Variants in SNAP91 observed in about 807,000 individuals in gnomAD.
SNAP91 encodes clathrin coat assembly protein AP180.
In SNAP91, 27 loss-of-function variants were observed where a neutral mutation model predicts 100.3. The observed-to-expected ratio is 0.27, with a 90% CI of 0.20 to 0.37. SNAP91 has a LOEUF of 0.37. Among genes scored for constraint, SNAP91 ranks in the 10% least tolerant of loss-of-function variants. SNAP91 has a pLI of 1.00. For synonymous variants in SNAP91, 404 were observed against 398.6 expected (o/e 1.01, Z -0.16); for missense variants, 986 against 1,123.7 (o/e 0.88, Z 1.75).
In SNAP91 at chr6:83,669,336, A is replaced by C. The variant is rs2098742293; in HGVS notation, c.131-3755T>G. On this transcript the variant is annotated intron_variant, in intron 2 of 29. Coordinates refer to ENST00000369694, the MANE Select transcript of SNAP91 (RefSeq NM_001242792.2). ...TTCATTTAAAGAATTTAAAAAAATAAAGTATAGATACAAACACACAGAAAA... is the reference window on the plus strand; with the variant it reads ...TTCATTTAAAGAATTTAAAAAAATACAGTATAGATACAAACACACAGAAAA... Among the ~76,000 whole-genome samples the C allele has an allele frequency of 2.0e-5, 3 of 152,028 alleles. No individual in the cohort carries two copies. The South Asian group carries it at 6.2e-4, about 31-fold the overall frequency.
chr6:83,702,142 G>A (rs2099321155), intron 2 of SNAP91, among the ~76,000 whole-genome samples: 1 of 152,044 alleles, frequency 6.6e-6, no homozygotes, highest in South Asian at 2.1e-4. Flanking sequence ...ATGAAACTAA[G>A]GATAAATGTT....
chr6:83,696,777 T>G lies in SNAP91; in HGVS notation c.130+11021A>C, dbSNP rs145506437. ...ATTCTTTTTGAATCACCTGTAATTA[T>G]TTCTTTAATTTTCTGTCTCCCCTAC... On this transcript the variant is annotated intron_variant, in intron 2 of 29. Transcript: ENST00000369694. Among the ~76,000 whole-genome samples, 20 of 152,308 alleles carry G rather than the reference T, an allele frequency of 1.3e-4. 1 individual carries two copies. Among genetic ancestry groups the G allele is most frequent in the African/African-American group, 4.8e-4 (20 of 41,570 alleles).
chr6:83,633,482 G>A (rs1200299822), intron 8 of SNAP91, among the ~76,000 whole-genome samples: 1 of 152,140 alleles, frequency 6.6e-6, no homozygotes, highest in Non-Finnish European at 1.5e-5. Context: ...GGGTAGGTAG[G>A]GAAGGACCAC....
intron 26 of SNAP91, among the ~76,000 whole-genome samples, chr6:83,568,012 T>G (rs1253246491): frequency 6.6e-6 from 1 of 151,534 alleles, no homozygotes; most frequent in African/African-American, 2.4e-5. Context: ...CCCAAAGGAT[T>G]ATAAATCATG....
chr6:83,642,005 A>G (rs1360176591), intron 7 of SNAP91, among the ~76,000 whole-genome samples: 1 of 152,138 alleles, frequency 6.6e-6, no homozygotes, highest in Admixed American at 6.6e-5. Flanking sequence ...TCAGTTATTC[A>G]TTGATCATTC....
chr6:83,615,157 G>C (rs1197874808), intron 10 of SNAP91, among the ~76,000 whole-genome samples: 1 of 151,968 alleles, frequency 6.6e-6, no homozygotes, highest in Non-Finnish European at 1.5e-5. Flanking sequence ...GACCACAAGG[G>C]GGCGAATTTA....
intron 22 of SNAP91, among the ~76,000 whole-genome samples, chr6:83,588,770 C>T (rs2093264638): frequency 6.6e-6 from 1 of 152,168 alleles, no homozygotes; most frequent in Non-Finnish European, 1.5e-5. Context: ...TTCTAGTGTT[C>T]TGGGCTCTTT....
intron 2 of SNAP91, among the ~76,000 whole-genome samples, chr6:83,667,307 T>C (rs2098704267): frequency 6.6e-6 from 1 of 151,584 alleles, no homozygotes; most frequent in South Asian, 2.1e-4. Context: ...CACAATTTTC[T>C]GAAAAGGTTA....
intron 22 of SNAP91, among the ~76,000 whole-genome samples, chr6:83,583,376 C>T (rs974700778): frequency 6.6e-6 from 1 of 152,142 alleles, no homozygotes; most frequent in Admixed American, 6.5e-5. Flanking sequence ...GCCTAAAACA[C>T]TGAATTAATG....
In SNAP91 at chr6:83,677,546, T is replaced by C. The variant is rs138038019; in HGVS notation, c.131-11965A>G. Among the ~76,000 whole-genome samples, 657 of 152,268 alleles carry C rather than the reference T, an allele frequency of 4.3e-3. 5 individuals carry two copies. Among genetic ancestry groups the C allele is most frequent in the African/African-American group, 0.015 (631 of 41,546 alleles). On this transcript the variant is annotated intron_variant, in intron 2 of 29. Coordinates refer to ENST00000369694, the MANE Select transcript of SNAP91 (RefSeq NM_001242792.2). ...GAAGCTGCCCGTGTGCCAAATATTG[T>C]CAATCCTTAGGGTAGTAGAAAATTA...
intron 14 of SNAP91, among the ~76,000 whole-genome samples, chr6:83,604,917 C>G (rs2095514682): frequency 6.6e-6 from 1 of 151,990 alleles, no homozygotes; most frequent in South Asian, 2.1e-4. Context: ...TTCTGTTGCT[C>G]CTATAGTTGT....
intron 2 of SNAP91, 114 bp downstream of exon 2, chr6:83,707,684 C>A: frequency 1.4e-6 from 2 of 1,394,202 alleles, no homozygotes; most frequent in Non-Finnish European, 1.9e-6. Flanking sequence ...CAGGGGCAAC[C>A]TGGCTGGGAG....
At chr6:83,669,256 T>TAAGTA (rs2098740628) in intron 2 of SNAP91, among the ~76,000 whole-genome samples, 1 of 151,800 alleles carries the variant, frequency 6.6e-6, no homozygotes, top group Admixed American at 6.6e-5. Context: ...AATGCTCTCA[T>TAAGTA]AAGTAGTTAT....
chr6:83,694,737 G>T (rs1431786335), intron 2 of SNAP91, among the ~76,000 whole-genome samples: 2 of 152,140 alleles, frequency 1.3e-5, no homozygotes, highest in Non-Finnish European at 2.9e-5. Flanking sequence ...GGTGGAGGAA[G>T]AATCCTGAAC....
chr6:83,686,251 C>T (rs1457492169), intron 2 of SNAP91: 9 of 933,306 alleles, frequency 9.6e-6, no homozygotes, highest in Admixed American at 6.2e-5. Context: ...TTAGATGAAC[C>T]CTCACAGGTA....
intron 7 of SNAP91, among the ~76,000 whole-genome samples, chr6:83,655,910 G>A (rs1204547308): frequency 6.6e-6 from 1 of 152,094 alleles, no homozygotes; most frequent in Non-Finnish European, 1.5e-5. Context: ...ATTCAAATTT[G>A]GTTTAGAGAT....
intron 26 of SNAP91, among the ~76,000 whole-genome samples, chr6:83,573,404 C>A (rs1812070800): frequency 6.6e-6 from 1 of 152,104 alleles, no homozygotes; most frequent in East Asian, 1.9e-4. Context: ...TCAATGCCAT[C>A]CCCATCAAGC....
chr6:83,583,784 A>G (rs1302067262), intron 22 of SNAP91, among the ~76,000 whole-genome samples: 1 of 152,232 alleles, frequency 6.6e-6, no homozygotes, highest in Non-Finnish European at 1.5e-5. Context: ...TAATTTTGAA[A>G]GTGATTTCCA....
chr6:83,581,762 A>G (rs1217972817), intron 23 of SNAP91, among the ~76,000 whole-genome samples: 1 of 152,242 alleles, frequency 6.6e-6, no homozygotes, highest in Non-Finnish European at 1.5e-5. Flanking sequence ...AAATGACAGC[A>G]GTGATGAAAG....
Sources: gnomAD v4.1 joint callset for allele counts (sites outside exome capture counted in the v4.1 genomes callset) on GRCh38, gnomAD v4.1.1 for gene constraint, MANE v1.5 for transcripts, NCBI Gene and HGNC (gene_info 2026-07-23, HGNC 2026-07-21) for gene names.